Variants in MAP2K4 observed in about 807,000 individuals in gnomAD.
MAP2K4 encodes the protein mitogen-activated protein kinase kinase 4.
A neutral mutation model predicts 48.5 loss-of-function variants in MAP2K4; 4 were observed. That is an observed-to-expected ratio of 0.08 (90% CI 0.04 to 0.19). The LOEUF (loss-of-function observed/expected upper bound fraction) is 0.19, where lower values mean the gene tolerates loss of function less well. MAP2K4 is among the 10% of genes least tolerant of loss of function. MAP2K4 has a pLI of 1.00. For synonymous variants in MAP2K4, 166 were observed against 173.1 expected (o/e 0.96, Z 0.32); for missense variants, 258 against 493.3 (o/e 0.52, Z 4.52).
At chr17:12,130,586 A>T (rs28921078) in intron 9 of MAP2K4, among the ~76,000 whole-genome samples, 43 of 152,148 alleles carry the variant, frequency 2.8e-4, no homozygotes, top group African/African-American at 9.7e-4. Context: ...TGGTACTTGT[A>T]CATGTTTATT....
intron 7 of MAP2K4, among the ~76,000 whole-genome samples, chr17:12,113,988 T>G (rs1307827129): frequency 6.6e-6 from 1 of 152,204 alleles, no homozygotes; most frequent in African/African-American, 2.4e-5. Flanking sequence ...TTTCAGACAT[T>G]TCCCTAGGTG....
chr17:12,073,042 C>T (rs936643261), intron 2 of MAP2K4, among the ~76,000 whole-genome samples: 2 of 152,042 alleles, frequency 1.3e-5, no homozygotes, highest in African/African-American at 4.8e-5. Context: ...TAGCAGTGTC[C>T]TGCTAAAATA....
chr17:12,062,337 A>T (rs907906566), intron 2 of MAP2K4, among the ~76,000 whole-genome samples: 7 of 152,070 alleles, frequency 4.6e-5, no homozygotes, highest in Non-Finnish European at 1.0e-4. Context: ...ATGCCTGAAT[A>T]TGCCTTTGTC....
intron 8 of MAP2K4, among the ~76,000 whole-genome samples, chr17:12,127,792 C>T (rs8065164): frequency 0.61 from 93,147 of 152,074 alleles, 29,607 homozygotes; most frequent in East Asian, 0.77. Flanking sequence ...CTTCAGCTAA[C>T]GGAATACATT....
In MAP2K4 at chr17:12,116,151, G is replaced by A. The variant is rs186668310; in HGVS notation, c.813+2791G>A. The stretch of plus-strand genomic sequence containing the variant: ...GTGCTAAAATCTGAAATCTGCTGGT[G>A]TGAAACTTGCTATACTGTCTGAAAT... On this transcript the variant is annotated intron_variant, in intron 7 of 10. Coordinates refer to ENST00000353533, the MANE Select transcript of MAP2K4 (RefSeq NM_003010.4). 2.0e-5 allele frequency among the ~76,000 whole-genome samples: 3 copies of A among 152,268 alleles called. No individual in the cohort carries two copies. In the East Asian group the frequency reaches 5.8e-4, roughly 29 times the overall value.
intron 2 of MAP2K4, among the ~76,000 whole-genome samples, chr17:12,073,849 T>C (rs1219989132): frequency 2.7e-5 from 4 of 150,404 alleles, no homozygotes; most frequent in African/African-American, 9.8e-5. Flanking sequence ...CTCGGCTCAC[T>C]GGGAACCTCT....
intron 2 of MAP2K4, among the ~76,000 whole-genome samples, chr17:12,059,040 G>A (rs1019220035): frequency 6.6e-6 from 1 of 151,970 alleles, no homozygotes; most frequent in African/African-American, 2.4e-5. Context: ...ATTTTTGGGG[G>A]GATCTTGGAG....
At chr17:12,136,885 C>G (rs1206684008) in intron 9 of MAP2K4, among the ~76,000 whole-genome samples, 3 of 151,884 alleles carry the variant, frequency 2.0e-5, no homozygotes, top group Admixed American at 6.6e-5. Flanking sequence ...CATGGACTTG[C>G]TGTATTCCAG....
chr17:12,095,189 G>T (rs910663642), intron 3 of MAP2K4, among the ~76,000 whole-genome samples: 4 of 152,178 alleles, frequency 2.6e-5, no homozygotes, highest in African/African-American at 9.7e-5. Flanking sequence ...TTTTGAAACG[G>T]TGATTAAAAG....
At chr17:12,137,161 C>G (rs1156309500) in intron 9 of MAP2K4, among the ~76,000 whole-genome samples, 2 of 152,124 alleles carry the variant, frequency 1.3e-5, no homozygotes, top group Non-Finnish European at 2.9e-5. Context: ...CAGTTCAGTT[C>G]ATAGTGATTA....
intron 2 of MAP2K4, among the ~76,000 whole-genome samples, chr17:12,074,923 C>T (rs1970948682): frequency 6.6e-6 from 1 of 152,150 alleles, no homozygotes; most frequent in South Asian, 2.1e-4. Flanking sequence ...CAGTGTCTTC[C>T]AGATTGCCTA....
intron 1 of MAP2K4, among the ~76,000 whole-genome samples, chr17:12,050,739 T>A (rs1970114807): frequency 6.6e-6 from 1 of 152,166 alleles, no homozygotes; most frequent in Admixed American, 6.6e-5. Flanking sequence ...CAGGGCTCTT[T>A]ATCATCTTGT....
At chr17:12,050,190 G>A (rs2322123) in intron 1 of MAP2K4, among the ~76,000 whole-genome samples, 101,096 of 151,940 alleles carry the variant, frequency 0.67, 35,019 homozygotes, top group East Asian at 0.81. Flanking sequence ...ATAATGAAAC[G>A]AAACAAGCCC....
In MAP2K4 at chr17:12,142,528, A is replaced by C. The variant is rs1340253930; in HGVS notation, c.*1268A>C. The C allele has an allele frequency of 4.3e-6, 1 of 232,992 alleles. No homozygotes were observed. The highest frequency in any genetic ancestry group is 2.2e-5 in the African/African-American group (1 of 45,336). The allele number at this position is 232,992 out of a possible 1,614,324, so 14.4% of individuals were successfully genotyped here. A position where few individuals can be genotyped will look rare whatever the true frequency, so the allele number is the denominator to read the frequency against. On this transcript the variant is annotated 3_prime_UTR_variant, in exon 11 of 11. Coordinates refer to ENST00000353533, the MANE Select transcript of MAP2K4 (RefSeq NM_003010.4). ...TTCGCTAGTGTTTAAAAGGCTAAGA[A>C]TAGTGGGGCCCAGCCGATGTGGTAG...
rs141253043 is a variant in MAP2K4, at chr17:12,056,918, C to T, written c.218+1927C>T. Among the ~76,000 whole-genome samples, 410 of 152,042 alleles carry T rather than the reference C, an allele frequency of 2.7e-3. 1 individual carries two copies. Among genetic ancestry groups the T allele is most frequent in the Non-Finnish European group, 4.1e-3 (277 of 67,930 alleles). ...CTCTTAACATTTATATGTTTTTTCTCCTAAAATTTCCTTGAACTTTAATAA... is the reference window on the plus strand; with the variant it reads ...CTCTTAACATTTATATGTTTTTTCTTCTAAAATTTCCTTGAACTTTAATAA... On this transcript the variant is annotated intron_variant, in intron 2 of 10. Transcript: ENST00000353533.
At chr17:12,117,113 A>G (rs760473319) in intron 7 of MAP2K4, among the ~76,000 whole-genome samples, 6 of 152,140 alleles carry the variant, frequency 3.9e-5, no homozygotes, top group Non-Finnish European at 8.8e-5. Context: ...GTGCCAAACC[A>G]CCTGAAAGTT....
At chr17:12,090,510 G>A (rs751709164) in intron 3 of MAP2K4, among the ~76,000 whole-genome samples, 2 of 152,126 alleles carry the variant, frequency 1.3e-5, no homozygotes, top group Non-Finnish European at 2.9e-5. Flanking sequence ...ACTACAACGT[G>A]AGCCTTTATT....
At chr17:12,042,983 C>T (rs1410025395) in intron 1 of MAP2K4, among the ~76,000 whole-genome samples, 2 of 150,664 alleles carry the variant, frequency 1.3e-5, no homozygotes, top group African/African-American at 4.9e-5. Context: ...GGAAGTGGAG[C>T]TTGCAGTGAG....
At chr17:12,116,598 G>T (rs1369780276) in intron 7 of MAP2K4, among the ~76,000 whole-genome samples, 2 of 152,004 alleles carry the variant, frequency 1.3e-5, no homozygotes, top group South Asian at 4.1e-4. Flanking sequence ...ATTCCGTAAG[G>T]CTATTCTGTT....
Sources: allele counts gnomAD v4.1 joint callset (sites outside exome capture counted in the v4.1 genomes callset), GRCh38; gene constraint gnomAD v4.1.1; transcripts MANE v1.5; gene names NCBI Gene and HGNC (gene_info 2026-07-23, HGNC 2026-07-21).